The following NR6A1 variants were observed in gnomAD, a reference collection of about 807,000 sequenced individuals.
The protein encoded by NR6A1 is retinoic acid receptor-related testis-associated receptor.
NR6A1 carries 7 observed loss-of-function variants against 59.1 expected under a neutral mutation model. The observed-to-expected ratio is 0.12, with a 90% CI of 0.07 to 0.22. The LOEUF (loss-of-function observed/expected upper bound fraction) is 0.22. Ranked by LOEUF, NR6A1 falls within the 10% of genes least tolerant of loss-of-function variation. NR6A1 has a pLI of 1.00. For synonymous variants in NR6A1, 243 were observed against 236.1 expected (o/e 1.03, Z -0.27); for missense variants, 468 against 611.6 (o/e 0.77, Z 2.48).
chr9:124,560,080 T>C (rs1436747584), intron 2 of NR6A1, among the ~76,000 whole-genome samples: 1 of 151,976 alleles, frequency 6.6e-6, no homozygotes, highest in Non-Finnish European at 1.5e-5. Context: ...CAATCAGGAG[T>C]GGAGCTGGAA....
intron 2 of NR6A1, among the ~76,000 whole-genome samples, chr9:124,611,950 A>G (rs10986379): frequency 0.018 from 2,711 of 152,200 alleles, 82 homozygotes; most frequent in African/African-American, 0.062. Context: ...TCTATCTTAG[A>G]AGAGGGGCAA....
At chr9:124,580,554 T>C (rs1215336006) in intron 2 of NR6A1, among the ~76,000 whole-genome samples, 1 of 152,164 alleles carries the variant, frequency 6.6e-6, no homozygotes, top group African/African-American at 2.4e-5. Flanking sequence ...GCGTGGTGGT[T>C]CACACCTGTA....
chr9:124,584,913 A>G (rs1270240856), intron 2 of NR6A1, among the ~76,000 whole-genome samples: 1 of 152,262 alleles, frequency 6.6e-6, no homozygotes, highest in Non-Finnish European at 1.5e-5. Context: ...CTCTTGCTCC[A>G]AAGAGCCAAG....
intron 1 of NR6A1, among the ~76,000 whole-genome samples, chr9:124,754,413 G>A (rs1840584920): frequency 6.6e-6 from 1 of 152,106 alleles, no homozygotes; most frequent in South Asian, 2.1e-4. Context: ...TACCTTTTAA[G>A]GATTTCTGCC....
intron 2 of NR6A1, among the ~76,000 whole-genome samples, chr9:124,728,540 CAGG>C (rs1437717978): frequency 6.6e-6 from 1 of 151,904 alleles, no homozygotes; most frequent in Non-Finnish European, 1.5e-5. Flanking sequence ...GAGGCTGAGG[CAGG>C]AGAATCGCTT....
chr9:124,524,228 ATTAC>A (rs1832868008), intron 9 of NR6A1, among the ~76,000 whole-genome samples: 2 of 152,168 alleles, frequency 1.3e-5, no homozygotes, highest in South Asian at 4.1e-4. Flanking sequence ...AGTAGCTGGG[ATTAC>A]AGGCAGGAGC....
intron 1 of NR6A1, among the ~76,000 whole-genome samples, chr9:124,768,206 GAGACCAAA>G (rs1840993280): frequency 6.6e-6 from 1 of 152,172 alleles, no homozygotes; most frequent in Admixed American, 6.5e-5. Flanking sequence ...CTTCATGACA[GAGACCAAA>G]AGACCCCCTA....
At chr9:124,689,461 T>C (rs1703149023) in intron 2 of NR6A1, among the ~76,000 whole-genome samples, 1 of 152,206 alleles carries the variant, frequency 6.6e-6, no homozygotes, top group African/African-American at 2.4e-5. Context: ...GAAAAGTTTA[T>C]TATAATAAGG....
chr9:124,650,288 T>A (rs1837058616), intron 2 of NR6A1, among the ~76,000 whole-genome samples: 1 of 152,184 alleles, frequency 6.6e-6, no homozygotes, highest in Admixed American at 6.5e-5. Context: ...ATCCCATCAT[T>A]TGCAGCAACA....
Position 124,737,415 on chromosome 9 carries a change from C to G in NR6A1, c.101-4066G>C, listed in dbSNP as rs1411126000. Among the ~76,000 whole-genome samples, 3 of 152,208 alleles carry G rather than the reference C, an allele frequency of 2.0e-5. No homozygotes were observed. The East Asian group carries it at 5.8e-4, about 29-fold the overall frequency. On this transcript the variant is annotated intron_variant, in intron 1 of 9. Transcript: ENST00000487099. Reference sequence around the variant, plus strand: ...GCCACAGCTAGCTACTATTGTCAAGCAGAGTTTTGCCCAGATTCTCAGCAA... The same window carrying G: ...GCCACAGCTAGCTACTATTGTCAAGGAGAGTTTTGCCCAGATTCTCAGCAA...
At chr9:124,729,207 G>A (rs190835906) in intron 2 of NR6A1, among the ~76,000 whole-genome samples, 14 of 152,220 alleles carry the variant, frequency 9.2e-5, no homozygotes, top group East Asian at 7.7e-4. Flanking sequence ...GAAAGGTCAC[G>A]TATTTGGAAA....
chr9:124,754,920 C>T (rs1338266834), intron 1 of NR6A1, among the ~76,000 whole-genome samples: 1 of 152,074 alleles, frequency 6.6e-6, no homozygotes, highest in African/African-American at 2.4e-5. Flanking sequence ...TTTTACCACC[C>T]TCCACCCAGT....
At chr9:124,720,787 AG>A (rs2131095325) in intron 2 of NR6A1, among the ~76,000 whole-genome samples, 1 of 152,322 alleles carries the variant, frequency 6.6e-6, no homozygotes, top group South Asian at 2.1e-4. Context: ...AGAAAAAAAA[AG>A]TTAATTTGTA....
intron 2 of NR6A1, among the ~76,000 whole-genome samples, chr9:124,584,880 C>T (rs1834878003): frequency 6.6e-6 from 1 of 152,116 alleles, no homozygotes; most frequent in Non-Finnish European, 1.5e-5. Context: ...ACGTCAAAAG[C>T]AAAGATAAGC....
intron 1 of NR6A1, among the ~76,000 whole-genome samples, chr9:124,756,956 G>A (rs780755535): frequency 3.5e-4 from 53 of 151,610 alleles, no homozygotes; most frequent in Non-Finnish European, 7.2e-4. Flanking sequence ...CTAGGATGAG[G>A]GTGCAGGGCA....
At chr9:124,608,080 T>A (rs1468518200) in intron 2 of NR6A1, among the ~76,000 whole-genome samples, 1 of 151,810 alleles carries the variant, frequency 6.6e-6, no homozygotes, top group East Asian at 1.9e-4. Context: ...ATAAAAAAAA[T>A]AATTTCGTGC....
At chr9:124,657,369 G>T (rs1837290761) in intron 2 of NR6A1, among the ~76,000 whole-genome samples, 1 of 152,102 alleles carries the variant, frequency 6.6e-6, no homozygotes, top group South Asian at 2.1e-4. Context: ...AGAACTATTG[G>T]TATGTTTAAG....
At chr9:124,540,415 C>T (rs1833410158) in intron 4 of NR6A1, among the ~76,000 whole-genome samples, 2 of 152,164 alleles carry the variant, frequency 1.3e-5, no homozygotes, top group Non-Finnish European at 2.9e-5. Flanking sequence ...ACTCTCAAGC[C>T]GTGAAGCCTC....
At chr9:124,589,678 A>G (rs1476750390) in intron 2 of NR6A1, among the ~76,000 whole-genome samples, 1 of 152,138 alleles carries the variant, frequency 6.6e-6, no homozygotes, top group East Asian at 1.9e-4. Context: ...TCAAATATCT[A>G]AAACATACAT....
Sources: gnomAD v4.1 joint callset for allele counts (sites outside exome capture counted in the v4.1 genomes callset) on GRCh38, gnomAD v4.1.1 for gene constraint, MANE v1.5 for transcripts, NCBI Gene and HGNC (gene_info 2026-07-23, HGNC 2026-07-21) for gene names.